PCMT1: variants seen among roughly 807,000 people sequenced by gnomAD.
PCMT1 encodes the protein protein-L-isoaspartate(D-aspartate) O-methyltransferase.
In PCMT1, 9 loss-of-function variants were observed where a neutral mutation model predicts 29.2. The observed-to-expected ratio is 0.31, with a 90% confidence interval of 0.19 to 0.54. The LOEUF (loss-of-function observed/expected upper bound fraction) is 0.54, where lower values mean the gene tolerates loss of function less well. PCMT1 is among the 20% of genes least tolerant of loss of function. The pLI, the probability that PCMT1 is intolerant of heterozygous loss-of-function variation, is 0.95. For synonymous variants in PCMT1, 98 were observed against 97.5 expected, an observed-to-expected ratio of 1.00 and a Z score of -0.03; for missense variants, 184 against 282.2, an observed-to-expected ratio of 0.65 and a Z score of 2.49.
intron 3 of PCMT1, among the ~76,000 whole-genome samples, chr6:149,777,838 CTCCTTCCT>C (rs57578249): frequency 2.5e-4 from 35 of 139,498 alleles, no homozygotes; most frequent in South Asian, 8.9e-4. Flanking sequence ...CTTTCTTTTT[CTCCTTCCT>C]TCCTTCCTTC....
At chr6:149,758,192 TTTTC>T (rs1554251068) in intron 1 of PCMT1, among the ~76,000 whole-genome samples, 7 of 101,738 alleles carry the variant, frequency 6.9e-5, no homozygotes, top group Middle Eastern at 5.7e-3. Context: ...CCAATTTTTT[TTTTC>T]TTTCTTTCTT....
intron 3 of PCMT1, among the ~76,000 whole-genome samples, chr6:149,785,180 CT>C (rs1451976694): frequency 2.8e-5 from 4 of 143,716 alleles, no homozygotes; most frequent in African/African-American, 2.7e-5. Flanking sequence ...ATTCTTAAAA[CT>C]TTTTTTTTCA....
At chr6:149,761,971 C>T (rs1373964638) in intron 1 of PCMT1, among the ~76,000 whole-genome samples, 2 of 152,172 alleles carry the variant, frequency 1.3e-5, no homozygotes, top group East Asian at 3.8e-4. Context: ...ATATTACAGA[C>T]CTTTCTGCTA....
intron 3 of PCMT1, among the ~76,000 whole-genome samples, chr6:149,775,934 C>T (rs889548543): frequency 3.3e-5 from 5 of 151,788 alleles, no homozygotes; most frequent in African/African-American, 7.3e-5. Context: ...CCAAAGTGGG[C>T]GAATCACCAG....
At chr6:149,761,026 A>AGTGTGTGTGT (rs57501586) in intron 1 of PCMT1, among the ~76,000 whole-genome samples, 1 of 149,642 alleles carries the variant, frequency 6.7e-6, no homozygotes, top group Admixed American at 6.6e-5. Flanking sequence ...CAGGTAAAAA[A>AGTGTGTGTGT]GTGTGTGTGT....
chr6:149,772,613 G>C (rs939423615), intron 2 of PCMT1: 2 of 455,598 alleles, frequency 4.4e-6, no homozygotes, highest in African/African-American at 4.0e-5. Flanking sequence ...TGTTTTACTA[G>C]ATGAGCACGT....
rs367605719 is a variant in PCMT1 at position 149,749,753 on chromosome 6, G to C, written c.-149G>C. On this transcript the variant is annotated 5_prime_UTR_variant, in exon 1 of 8. Coordinates refer to ENST00000464889, the MANE Select transcript of PCMT1 (RefSeq NM_001360452.2). Reference sequence around the variant, plus strand: ...ATGCCGGGAGCGCGCAGTGGCGGCAGCGGCGGCGACGGCAGTAACAGCGGC... The same window carrying C: ...ATGCCGGGAGCGCGCAGTGGCGGCACCGGCGGCGACGGCAGTAACAGCGGC... The C allele has an allele frequency of 1.3e-6, 2 of 1,546,294 alleles. No individual in the cohort carries two copies.
At chr6:149,794,858 T>G (rs1388039767) in intron 5 of PCMT1, 11 of 488,430 alleles carry the variant, frequency 2.3e-5, no homozygotes, top group Non-Finnish European at 4.6e-5. Context: ...ACGGGATTCA[T>G]CTCATGAAAG....
At chr6:149,776,687 C>T (rs1216525961) in intron 3 of PCMT1, among the ~76,000 whole-genome samples, 1 of 152,152 alleles carries the variant, frequency 6.6e-6, no homozygotes, top group African/African-American at 2.4e-5. Flanking sequence ...TGTTGGATTA[C>T]AGGCATAAGC....
At chr6:149,802,833 C>T (rs558556268) in intron 7 of PCMT1, among the ~76,000 whole-genome samples, 36 of 151,852 alleles carry the variant, frequency 2.4e-4, no homozygotes, top group South Asian at 6.2e-4. Flanking sequence ...GTGGGCGGAT[C>T]ACTTGAGGTC....
chr6:149,794,491 G>A (rs1369435091), intron 5 of PCMT1, among the ~76,000 whole-genome samples: 4 of 152,102 alleles, frequency 2.6e-5, no homozygotes, highest in South Asian at 2.1e-4. Context: ...GGTGGCGCAC[G>A]CCTGTAGTCC....
chr6:149,772,689 G>C, intron 2 of PCMT1: 1 of 412,028 alleles, frequency 2.4e-6, no homozygotes, highest in Non-Finnish European at 4.7e-6. Flanking sequence ...ATAGAAGTAA[G>C]TTTTATTTTC....
chr6:149,790,151 G>A (rs909438464), intron 4 of PCMT1, 93 bp downstream of exon 4: 4 of 739,610 alleles, frequency 5.4e-6, no homozygotes, highest in East Asian at 2.5e-5. Context: ...ATGTTTATTT[G>A]TTTGTTAATT....
chr6:149,767,904 C>T (rs547695699), intron 1 of PCMT1, among the ~76,000 whole-genome samples: 1 of 152,132 alleles, frequency 6.6e-6, no homozygotes, highest in East Asian at 1.9e-4. Context: ...AGCGATTCTC[C>T]TGCCTCAGCC....
intron 1 of PCMT1, among the ~76,000 whole-genome samples, chr6:149,767,082 G>A (rs1275450585): frequency 6.6e-6 from 1 of 151,996 alleles, no homozygotes; most frequent in East Asian, 1.9e-4. Flanking sequence ...GGTGGCAGGC[G>A]CTTATAATCC....
chr6:149,769,433 C>T (rs1787222370), intron 1 of PCMT1, among the ~76,000 whole-genome samples: 1 of 150,914 alleles, frequency 6.6e-6, no homozygotes, highest in Admixed American at 6.6e-5. Context: ...CCCGTCTCAG[C>T]CTCCTGAGTA....
intron 6 of PCMT1, 44 bp from the exon 7 acceptor site, chr6:149,802,156 A>G: frequency 1.5e-6 from 2 of 1,338,294 alleles, no homozygotes; most frequent in Non-Finnish European, 2.1e-6. Flanking sequence ...ATAAAATAAA[A>G]TCTGTAACTT....
rs1476870993 is a variant in PCMT1, at chr6:149,786,999, G to A, written c.193-2955G>A. ...TCCAGCCTGGGCACCATTGAGCACT[G>A]AGTGAGCGAGACTCTGTCTGCAATC... On this transcript the variant is annotated intron_variant, in intron 3 of 7. Coordinates refer to ENST00000464889, the MANE Select transcript of PCMT1 (RefSeq NM_001360452.2). Among the ~76,000 whole-genome samples the A allele has an allele frequency of 4.4e-4, 54 of 123,714 alleles. 1 individual carries two copies. The Admixed American group carries it at 4.6e-3, about 10-fold the overall frequency. The allele number at this position is 123,714 out of a possible 152,430, so 81.2% of individuals were successfully genotyped here.
chr6:149,768,444 ATTTTTTT>A (rs548328646), intron 1 of PCMT1, among the ~76,000 whole-genome samples: 151 of 75,856 alleles, frequency 2.0e-3, no homozygotes, highest in South Asian at 5.0e-3. Context: ...TTAGTCTTGA[ATTTTTTT>A]TTTTTTTTTT....
Sources: allele counts gnomAD v4.1 joint callset (sites outside exome capture counted in the v4.1 genomes callset), GRCh38; gene constraint gnomAD v4.1.1; transcripts MANE v1.5; gene names NCBI Gene and HGNC (gene_info 2026-07-23, HGNC 2026-07-21).